GRIA4: variants seen among roughly 807,000 people sequenced by gnomAD.
GRIA4 encodes the protein glutamate ionotropic receptor AMPA type subunit 4, also known as glutamate receptor 4.
A neutral mutation model predicts 104.0 loss-of-function variants in GRIA4; 34 were observed. The observed-to-expected ratio is 0.33, with a 90% CI of 0.25 to 0.44. The LOEUF (loss-of-function observed/expected upper bound fraction) is 0.44. Ranked by LOEUF, GRIA4 falls within the 20% of genes least tolerant of loss-of-function variation. The pLI is 1.00. For synonymous variants in GRIA4, 386 were observed against 381.9 expected, an observed-to-expected ratio of 1.01 and a Z score of -0.13; for missense variants, 750 against 1,096.5, an observed-to-expected ratio of 0.68 and a Z score of 4.46.
At chr11:105,874,324 G>A (rs1945735225) in intron 5 of GRIA4, among the ~76,000 whole-genome samples, 1 of 152,116 alleles carries the variant, frequency 6.6e-6, no homozygotes, top group African/African-American at 2.4e-5. Flanking sequence ...CCATAGCTTT[G>A]TAGTATAGTT....
intron 3 of GRIA4, among the ~76,000 whole-genome samples, chr11:105,684,098 C>T (rs1952794725): frequency 6.6e-6 from 1 of 151,894 alleles, no homozygotes; most frequent in Admixed American, 6.6e-5. Context: ...GGTCTCAAAC[C>T]TCTGGCCTCA....
At chr11:105,773,327 A>G (rs1941298660) in intron 4 of GRIA4, among the ~76,000 whole-genome samples, 1 of 152,142 alleles carries the variant, frequency 6.6e-6, no homozygotes, top group Non-Finnish European at 1.5e-5. Flanking sequence ...AGGAACAAAC[A>G]AAATAGCAGG....
chr11:105,840,472 T>C (rs926988421), intron 4 of GRIA4, among the ~76,000 whole-genome samples: 1 of 152,206 alleles, frequency 6.6e-6, no homozygotes. Context: ...AACTTTATAA[T>C]ATGGCAGGGG....
intron 3 of GRIA4, among the ~76,000 whole-genome samples, chr11:105,689,525 C>A (rs1953011831): frequency 6.6e-6 from 1 of 152,168 alleles, no homozygotes; most frequent in African/African-American, 2.4e-5. Flanking sequence ...CAGCAATGTA[C>A]TTCTCTATAA....
chr11:105,925,155 C>T (rs1947670847), intron 12 of GRIA4, among the ~76,000 whole-genome samples: 1 of 152,016 alleles, frequency 6.6e-6, no homozygotes, highest in Admixed American at 6.6e-5. Flanking sequence ...TGTTGTTGCT[C>T]ATTTTCAGAA....
Position 105,653,999 on chromosome 11 carries a change from C to CAAAAAAAAAA in GRIA4, c.247+41584_247+41593dup. ...TATATGCAACGGAACACTATTTAGCCAAAAAAAAAAAAAAAAAAAAAAAAA... is the reference window on the plus strand; with the variant it reads ...TATATGCAACGGAACACTATTTAGCCAAAAAAAAAAAAAAAAAAAAAAAAAAAAAAAAAAA... On this transcript the variant is annotated intron_variant, in intron 3 of 16. Transcript: ENST00000282499. Among the ~76,000 whole-genome samples, 78 of 50,288 alleles carry CAAAAAAAAAA rather than the reference C, an allele frequency of 1.6e-3. 1 individual carries two copies. The highest frequency in any genetic ancestry group is 2.9e-3 in the South Asian group (2 of 696). 33.0% of individuals were successfully genotyped at this position (50,288 alleles called of 152,430 possible). A position where few individuals can be genotyped will look rare whatever the true frequency, so the allele number is the denominator to read the frequency against.
At chr11:105,663,918 T>C (rs990435028) in intron 3 of GRIA4, among the ~76,000 whole-genome samples, 2 of 151,552 alleles carry the variant, frequency 1.3e-5, no homozygotes, top group African/African-American at 4.8e-5. Flanking sequence ...CCCTCCATAG[T>C]AGGTTAATGG....
chr11:105,863,953 T>G (rs1029246652), intron 5 of GRIA4, among the ~76,000 whole-genome samples: 5 of 152,206 alleles, frequency 3.3e-5, no homozygotes, highest in Non-Finnish European at 7.4e-5. Context: ...ACTGGACATC[T>G]TATATATTTT....
chr11:105,864,058 G>GTAATAA, intron 5 of GRIA4, among the ~76,000 whole-genome samples: 1 of 151,752 alleles, frequency 6.6e-6, no homozygotes, highest in East Asian at 1.9e-4. Context: ...TGGTTGCATG[G>GTAATAA]TAATAATAAT....
chr11:105,835,022 AAAGT>A (rs1944124061), intron 4 of GRIA4, among the ~76,000 whole-genome samples: 1 of 152,100 alleles, frequency 6.6e-6, no homozygotes, highest in African/African-American at 2.4e-5. Flanking sequence ...TTATAAATAC[AAAGT>A]AAGCCCTACT....
At chr11:105,742,222 C>T (rs1367480630) in intron 3 of GRIA4, among the ~76,000 whole-genome samples, 1 of 152,134 alleles carries the variant, frequency 6.6e-6, no homozygotes, top group Non-Finnish European at 1.5e-5. Flanking sequence ...ACTTGAACTA[C>T]TTTCAAACCC....
chr11:105,734,714 A>G (rs2135625869), intron 3 of GRIA4, among the ~76,000 whole-genome samples: 1 of 152,190 alleles, frequency 6.6e-6, no homozygotes, highest in South Asian at 2.1e-4. Flanking sequence ...GCACTTTGCA[A>G]TTTTCATTTA....
intron 11 of GRIA4, among the ~76,000 whole-genome samples, chr11:105,920,441 C>CA (rs1339300754): frequency 1.3e-5 from 2 of 152,072 alleles, no homozygotes; most frequent in African/African-American, 2.4e-5. Flanking sequence ...TATTTCATCT[C>CA]AAAAAATCAT....
intron 4 of GRIA4, among the ~76,000 whole-genome samples, chr11:105,835,651 T>C (rs1373274544): frequency 6.6e-6 from 1 of 152,086 alleles, no homozygotes; most frequent in African/African-American, 2.4e-5. Context: ...GCAATTTGGC[T>C]AGGAGGATTC....
intron 14 of GRIA4, among the ~76,000 whole-genome samples, chr11:105,966,910 G>T (rs1419714180): frequency 6.6e-6 from 1 of 152,134 alleles, no homozygotes; most frequent in Non-Finnish European, 1.5e-5. Flanking sequence ...TTCTATTGCA[G>T]CAGGAGGAAG....
chr11:105,940,451 A>C (rs1366778552), intron 14 of GRIA4, among the ~76,000 whole-genome samples: 1 of 152,138 alleles, frequency 6.6e-6, no homozygotes, highest in Non-Finnish European at 1.5e-5. Context: ...GACGTGGAGA[A>C]TATTTTAGAC....
chr11:105,813,017 C>A lies in GRIA4; in HGVS notation c.488-49007C>A, dbSNP rs1943238365. ...GCTGAGGCAGGAAAATGGCGTGAAC[C>A]TGGGAGGCGGAGCTTGCAGTGAGCC... On this transcript the variant is annotated intron_variant, in intron 4 of 16. Transcript: ENST00000282499. 2.1e-5 allele frequency among the ~76,000 whole-genome samples: 3 copies of A among 141,802 alleles called. No individual in the cohort carries two copies. In the South Asian group the frequency reaches 6.6e-4, roughly 31 times the overall value. 93.0% of individuals were successfully genotyped at this position (141,802 alleles called of 152,430 possible).
At chr11:105,943,616 C>CT (rs1014095821) in intron 14 of GRIA4, among the ~76,000 whole-genome samples, 2 of 152,042 alleles carry the variant, frequency 1.3e-5, no homozygotes, top group African/African-American at 4.8e-5. Flanking sequence ...ATAGCATTCA[C>CT]TTTACGCCCT....
intron 4 of GRIA4, among the ~76,000 whole-genome samples, chr11:105,777,895 C>T (rs1236806924): frequency 6.6e-6 from 1 of 152,172 alleles, no homozygotes; most frequent in Non-Finnish European, 1.5e-5. Flanking sequence ...AATGCAGAGA[C>T]CTCAGAAAGA....
Sources: allele counts gnomAD v4.1 joint callset (sites outside exome capture counted in the v4.1 genomes callset), GRCh38; gene constraint gnomAD v4.1.1; transcripts MANE v1.5; gene names NCBI Gene and HGNC (gene_info 2026-07-23, HGNC 2026-07-21).